The following GABRG3 variants were observed in gnomAD, a reference collection of about 807,000 sequenced individuals.
GABRG3 encodes the protein gamma-aminobutyric acid type A receptor subunit gamma3.
GABRG3 carries 25 observed loss-of-function variants against 48.8 expected under a neutral mutation model. The observed-to-expected ratio is 0.51, with a 90% CI of 0.37 to 0.72. GABRG3 has a LOEUF of 0.72. Ranked by LOEUF, GABRG3 falls within the 30% of genes least tolerant of loss-of-function variation. The probability of loss-of-function intolerance (pLI) is 0.00; values close to 1 mark genes in which losing one functional copy is unlikely to be tolerated. For missense variants in GABRG3, 394 were observed against 577.9 expected (o/e 0.68, Z 3.26); for synonymous variants, 227 against 217.6 (o/e 1.04, Z -0.38).
At chr15:27,335,902 G>A (rs984684240) in intron 5 of GABRG3, among the ~76,000 whole-genome samples, 1 of 152,102 alleles carries the variant, frequency 6.6e-6, no homozygotes, top group African/African-American at 2.4e-5. Context: ...ATGGGTAAAA[G>A]ACAGGCTGGG....
At chr15:27,381,387 T>C (rs528922162) in intron 5 of GABRG3, among the ~76,000 whole-genome samples, 7 of 152,364 alleles carry the variant, frequency 4.6e-5, no homozygotes, top group African/African-American at 1.4e-4. Flanking sequence ...GTGAGAACCA[T>C]ATAGAGCTCG....
At chr15:27,200,330 G>C (rs1173960645) in intron 3 of GABRG3, among the ~76,000 whole-genome samples, 1 of 152,162 alleles carries the variant, frequency 6.6e-6, no homozygotes, top group Non-Finnish European at 1.5e-5. Context: ...AATTCCATGA[G>C]CCATATTAGA....
intron 3 of GABRG3, among the ~76,000 whole-genome samples, chr15:27,057,807 T>C (rs1566922870): frequency 1.3e-5 from 2 of 152,174 alleles, no homozygotes; most frequent in Admixed American, 1.3e-4. Flanking sequence ...AGAAAAGCCA[T>C]GTTTACTTGC....
At chr15:27,300,090 T>TA (rs567468475) in intron 3 of GABRG3, among the ~76,000 whole-genome samples, 30 of 152,284 alleles carry the variant, frequency 2.0e-4, no homozygotes, top group Non-Finnish European at 4.1e-4. Flanking sequence ...AACTCTTACA[T>TA]ACAGCTTCTA....
chr15:27,439,110 G>A (rs1888704420), intron 5 of GABRG3, among the ~76,000 whole-genome samples: 1 of 152,074 alleles, frequency 6.6e-6, no homozygotes, highest in African/African-American at 2.4e-5. Flanking sequence ...CTAATGCAAG[G>A]GCCTCCTCCA....
At chr15:27,362,047 C>T (rs1243224455) in intron 5 of GABRG3, among the ~76,000 whole-genome samples, 1 of 152,142 alleles carries the variant, frequency 6.6e-6, no homozygotes, top group African/African-American at 2.4e-5. Flanking sequence ...GTTCTGGACT[C>T]AATGTATTTA....
At chr15:27,486,766 G>A (rs909759348) in intron 6 of GABRG3, among the ~76,000 whole-genome samples, 1 of 152,090 alleles carries the variant, frequency 6.6e-6, no homozygotes, top group African/African-American at 2.4e-5. Flanking sequence ...GTACATAATT[G>A]CAATATATAT....
chr15:27,319,222 G>A lies in GABRG3; in HGVS notation c.271-7587G>A, dbSNP rs541858007. ...AATTCTAGCTCAGTAAAGCCAGGGG[G>A]AAAAAAATGTCTGAAACCAACAAGG... On this transcript the variant is annotated intron_variant, in intron 3 of 9. Coordinates refer to ENST00000615808, the MANE Select transcript of GABRG3 (RefSeq NM_033223.5). The surrounding 1 kb of genome is among the most constrained non-coding windows in gnomAD (Gnocchi z 4.4). Among the ~76,000 whole-genome samples, 1 of 152,080 alleles carries A rather than the reference G, an allele frequency of 6.6e-6. No homozygotes were observed. The highest frequency in any genetic ancestry group is 2.4e-5 in the African/African-American group (1 of 41,422).
chr15:27,422,574 T>C (rs2140613137), intron 5 of GABRG3: 1 of 152,394 alleles, frequency 6.6e-6, no homozygotes, highest in African/African-American at 2.4e-5. Flanking sequence ...CTGAGTGTTC[T>C]GAGGCATCCA....
chr15:27,480,815 T>G, intron 6 of GABRG3, 28 bp downstream of exon 6: 1 of 1,611,840 alleles, frequency 6.2e-7, no homozygotes, highest in Non-Finnish European at 8.5e-7. Context: ...GAGGCACAGC[T>G]CTCAAAAGCC....
chr15:27,053,198 G>A (rs1896484433), intron 3 of GABRG3, among the ~76,000 whole-genome samples: 1 of 152,300 alleles, frequency 6.6e-6, no homozygotes, highest in East Asian at 1.9e-4. Flanking sequence ...TACAGCAACA[G>A]AAACTATCAA....
chr15:27,408,247 C>T (rs1234622055), intron 5 of GABRG3, among the ~76,000 whole-genome samples: 1 of 152,154 alleles, frequency 6.6e-6, no homozygotes, highest in Admixed American at 6.5e-5. Flanking sequence ...TGCCAGGTCT[C>T]AGAAATTGTA....
chr15:27,528,657 G>A (rs1210342033), intron 9 of GABRG3, among the ~76,000 whole-genome samples: 1 of 151,958 alleles, frequency 6.6e-6, no homozygotes, highest in Non-Finnish European at 1.5e-5. Flanking sequence ...AGTCACGCAG[G>A]AAAATGAGCT....
At chr15:27,289,461 T>C (rs1032147800) in intron 3 of GABRG3, among the ~76,000 whole-genome samples, 5 of 152,208 alleles carry the variant, frequency 3.3e-5, no homozygotes, top group South Asian at 4.1e-4. Context: ...TATGACAAAA[T>C]AATCTTAACT....
At chr15:27,153,487 G>A (rs944344243) in intron 3 of GABRG3, among the ~76,000 whole-genome samples, 1 of 151,964 alleles carries the variant, frequency 6.6e-6, no homozygotes, top group Non-Finnish European at 1.5e-5. Flanking sequence ...TTACCTATAA[G>A]TTTTAGAATA....
At chr15:27,186,420 T>C (rs1888100304) in intron 3 of GABRG3, among the ~76,000 whole-genome samples, 1 of 152,202 alleles carries the variant, frequency 6.6e-6, no homozygotes. Context: ...TGTTGATGGA[T>C]ATGTAAGTTG....
intron 3 of GABRG3, among the ~76,000 whole-genome samples, chr15:27,130,972 C>T (rs796622175): frequency 8.6e-5 from 13 of 152,018 alleles, no homozygotes; most frequent in African/African-American, 3.1e-4. Flanking sequence ...TATAAAATCA[C>T]GTCTGTGAAA....
At chr15:27,045,936 T>A (rs1301295969) in intron 3 of GABRG3, among the ~76,000 whole-genome samples, 1 of 152,186 alleles carries the variant, frequency 6.6e-6, no homozygotes, top group African/African-American at 2.4e-5. Flanking sequence ...CCTCTTCACC[T>A]GCACATGGTG....
At chr15:27,202,556 T>A (rs564794631) in intron 3 of GABRG3, among the ~76,000 whole-genome samples, 1 of 152,188 alleles carries the variant, frequency 6.6e-6, no homozygotes, top group Non-Finnish European at 1.5e-5. Flanking sequence ...AATGTGACCA[T>A]TTCCCTACAT....
Sources: gnomAD v4.1 joint callset for allele counts (sites outside exome capture counted in the v4.1 genomes callset) on GRCh38, gnomAD v4.1.1 for gene constraint, Gnocchi (gnomAD v3.1) non-coding constraint, MANE v1.5 for transcripts, NCBI Gene and HGNC (gene_info 2026-07-23, HGNC 2026-07-21) for gene names.